Variants in CACNA1A observed in about 807,000 individuals in gnomAD.
The protein encoded by CACNA1A is voltage-dependent P/Q-type calcium channel subunit alpha-1A.
A neutral mutation model predicts 262.4 loss-of-function variants in CACNA1A; 57 were observed. That is an observed-to-expected ratio of 0.22 (90% CI 0.18 to 0.27). The LOEUF (loss-of-function observed/expected upper bound fraction) is 0.27. Among genes scored for constraint, CACNA1A ranks in the 10% least tolerant of loss-of-function variants. CACNA1A has a pLI of 1.00. For synonymous variants in CACNA1A, 1,431 were observed against 1,419.3 expected, an observed-to-expected ratio of 1.01 and a Z score of -0.18; for missense variants, 2,526 against 3,562.8, an observed-to-expected ratio of 0.71 and a Z score of 7.41.
chr19:13,319,540 C>T lies in CACNA1A; in HGVS notation c.1346-2219G>A, dbSNP rs1359005642. 2.6e-5 allele frequency among the ~76,000 whole-genome samples: 4 copies of T among 152,212 alleles called. No individual in the cohort carries two copies. The East Asian group carries it at 5.8e-4, about 22-fold the overall frequency. Reference sequence around the variant, plus strand: ...TCAAAACCACCCCACTTGCCAGACACAGGACACAGCAAACACCTCCAAGGA... The same window carrying T: ...TCAAAACCACCCCACTTGCCAGACATAGGACACAGCAAACACCTCCAAGGA... On this transcript the variant is annotated intron_variant, in intron 10 of 46. Coordinates refer to ENST00000360228, the MANE Select transcript of CACNA1A (RefSeq NM_001127222.2).
At chr19:13,469,460 CTTTTTTTT>C (rs1164678494) in intron 1 of CACNA1A, among the ~76,000 whole-genome samples, 4 of 62,152 alleles carry the variant, frequency 6.4e-5, no homozygotes, top group African/African-American at 2.0e-4. Context: ...TGAACCACCT[CTTTTTTTT>C]TTTTTTTTTT....
chr19:13,461,250 G>C (rs1404381564), intron 1 of CACNA1A, among the ~76,000 whole-genome samples: 1 of 152,178 alleles, frequency 6.6e-6, no homozygotes, highest in South Asian at 2.1e-4. Flanking sequence ...TGAGGCAGGA[G>C]AATCACCTGA....
At position 13,241,566 on chromosome 19, in the gene CACNA1A, G is replaced by T; in HGVS notation, c.4950+3616C>A. ...TGAAGATGAGGGGGAGCGGGCGGGCGGGGGCAGTTGGGGAGGCGTGTTCAG... is the reference window on the plus strand; with the variant it reads ...TGAAGATGAGGGGGAGCGGGCGGGCTGGGGCAGTTGGGGAGGCGTGTTCAG... On this transcript the variant is annotated intron_variant, in intron 31 of 46. Transcript: ENST00000360228. The surrounding 1 kb of genome is among the most constrained non-coding windows in gnomAD (Gnocchi z 4.0). 2 of 1,078,914 alleles carry T rather than the reference G, an allele frequency of 1.9e-6. No individual in the cohort carries two copies. The highest frequency in any genetic ancestry group is 1.3e-5 in the South Asian group (1 of 74,908). The allele number at this position is 1,078,914 out of a possible 1,614,324, so 66.8% of individuals were successfully genotyped here.
At chr19:13,446,884 C>G (rs1448825742) in intron 3 of CACNA1A, among the ~76,000 whole-genome samples, 1 of 151,956 alleles carries the variant, frequency 6.6e-6, no homozygotes, top group Non-Finnish European at 1.5e-5. Flanking sequence ...CCCGCTGCAC[C>G]CAGCTCATGC....
At chr19:13,418,006 G>A (rs1018674208) in intron 3 of CACNA1A, among the ~76,000 whole-genome samples, 2 of 151,468 alleles carry the variant, frequency 1.3e-5, no homozygotes, top group African/African-American at 4.9e-5. Flanking sequence ...CCTTCCTGGC[G>A]GTTAGCACAG....
chr19:13,494,913 G>T (rs1215588034), intron 1 of CACNA1A, among the ~76,000 whole-genome samples: 1 of 152,138 alleles, frequency 6.6e-6, no homozygotes, highest in Non-Finnish European at 1.5e-5. Flanking sequence ...TTTGAGATGA[G>T]ATTTGGGTGG....
chr19:13,304,074 A>G (rs1428242506), intron 15 of CACNA1A, among the ~76,000 whole-genome samples, 190 bp from the exon 16 acceptor site: 1 of 152,184 alleles, frequency 6.6e-6, no homozygotes, highest in East Asian at 1.9e-4. Flanking sequence ...TGCGAGTAGA[A>G]AGGGCCGTTC....
At chr19:13,290,090 G>A (rs535504972) in intron 19 of CACNA1A, among the ~76,000 whole-genome samples, 23 of 150,486 alleles carry the variant, frequency 1.5e-4, no homozygotes, top group Admixed American at 7.9e-4. Flanking sequence ...CACCACACCC[G>A]GCTAATTTTT....
chr19:13,330,741 C>T (rs1009408719), intron 9 of CACNA1A, among the ~76,000 whole-genome samples: 3 of 152,176 alleles, frequency 2.0e-5, no homozygotes, highest in Non-Finnish European at 2.9e-5. Flanking sequence ...CAGGCATGCA[C>T]CACCACGCCT....
chr19:13,400,434 T>C (rs900573648), intron 3 of CACNA1A, among the ~76,000 whole-genome samples: 7 of 152,192 alleles, frequency 4.6e-5, no homozygotes, highest in African/African-American at 1.2e-4. Context: ...TCCTTGTCAA[T>C]TTTTAACTAG....
chr19:13,372,112 G>T (rs993971579), intron 3 of CACNA1A, among the ~76,000 whole-genome samples: 14 of 152,260 alleles, frequency 9.2e-5, no homozygotes, highest in African/African-American at 3.4e-4. Flanking sequence ...GGGGTGGCCT[G>T]GGGCCCTGGG....
chr19:13,380,282 CAAAAAAAAAA>C (rs58162911), intron 3 of CACNA1A, among the ~76,000 whole-genome samples: 1 of 22,030 alleles, frequency 4.5e-5, no homozygotes, highest in Non-Finnish European at 6.9e-5. Context: ...GATGCCGTCT[CAAAAAAAAAA>C]AAAAAAAAAA....
intron 6 of CACNA1A, among the ~76,000 whole-genome samples, chr19:13,341,325 CCCAGCTGACCTTGATGGTCTGT>C (rs2058672425): frequency 5.6e-5 from 1 of 17,774 alleles, no homozygotes. Flanking sequence ...TGGTCTGTGG[CCCAGCTGACCTTGATGGTCTGT>C]GGACTCCTGG....
At chr19:13,348,500 C>T (rs757775384) in intron 6 of CACNA1A, among the ~76,000 whole-genome samples, 3 of 151,798 alleles carry the variant, frequency 2.0e-5, no homozygotes, top group Non-Finnish European at 4.4e-5. Flanking sequence ...GTCAGGAGCT[C>T]GAGACCAGCC....
At chr19:13,414,828 T>C (rs1373885008) in intron 3 of CACNA1A, among the ~76,000 whole-genome samples, 1 of 152,006 alleles carries the variant, frequency 6.6e-6, no homozygotes, top group Non-Finnish European at 1.5e-5. Context: ...CCGGGTGTGG[T>C]GGCGTGTGCC....
At position 13,506,163 on chromosome 19, in the gene CACNA1A, G is replaced by A. The variant is rs15999; in HGVS notation, c.62C>T (p.Ala21Val). Reference protein sequence around the residue: ...RYGGGGSGAAAGVVVGSGGGR... With the variant: ...RYGGGGSGAAVGVVVGSGGGR... ...GCCTCCGCTGCCCACGACCACCCCG[G>A]CGGCTGCCCCGGAGCCTCCTCCCCC... The change falls in exon 1 of 47, where the codon GCC becomes GTC. Residue 21 changes from alanine to valine, a missense_variant. Physicochemically the swap from Ala to Val is moderately conservative, Grantham distance 64 (BLOSUM62 0). Around this residue, in one of 17 missense-constraint regions of CACNA1A, gnomAD observed 65 missense variants for 75.6 expected, o/e 0.86. Transcript: ENST00000360228. 1.7e-4 allele frequency: 268 copies of A among 1,546,916 alleles called. 2 individuals carry two copies. In the East Asian group the frequency reaches 5.6e-3, roughly 32 times the overall value.
At chr19:13,450,665 GT>G (rs1320350267) in intron 3 of CACNA1A, 1 of 152,186 alleles carries the variant, frequency 6.6e-6, no homozygotes, top group Non-Finnish European at 1.5e-5. Context: ...ATAAATGAAT[GT>G]ATACACAGGT....
chr19:13,430,033 G>A (rs866109069), intron 3 of CACNA1A, among the ~76,000 whole-genome samples: 18 of 133,958 alleles, frequency 1.3e-4, no homozygotes, highest in Middle Eastern at 3.6e-3. Context: ...AGGGGAAGGG[G>A]GAGCGGGGAG....
intron 15 of CACNA1A, among the ~76,000 whole-genome samples, chr19:13,306,965 C>A (rs1568517158): frequency 6.6e-6 from 1 of 151,956 alleles, no homozygotes; most frequent in Non-Finnish European, 1.5e-5. Context: ...GTATAACAAA[C>A]TTTCTTTTCG....
Sources: gnomAD v4.1 joint callset for allele counts (sites outside exome capture counted in the v4.1 genomes callset) on GRCh38, gnomAD v4.1.1 for gene constraint, gnomAD v4.1.1 regional missense constraint, Gnocchi (gnomAD v3.1) non-coding constraint, MANE v1.5 for transcripts, NCBI Gene and HGNC (gene_info 2026-07-23, HGNC 2026-07-21) for gene names.